Variants in KPNA1 observed in about 807,000 individuals in gnomAD.
KPNA1 encodes karyopherin subunit alpha 1, also known as importin subunit alpha-5.
Under a neutral mutation model 70.5 loss-of-function variants are expected in KPNA1, and 10 were observed. The observed-to-expected ratio is 0.14, with a 90% CI of 0.09 to 0.24. The LOEUF is 0.24. Ranked by LOEUF, KPNA1 falls within the 10% of genes least tolerant of loss-of-function variation. The probability of loss-of-function intolerance (pLI) is 1.00; values close to 1 mark genes in which losing one functional copy is unlikely to be tolerated. For missense variants in KPNA1, 397 were observed against 637.9 expected (o/e 0.62, Z 4.07); for synonymous variants, 192 against 221.9 (o/e 0.87, Z 1.20).
chr3:122,507,601 C>A (rs2076905188), intron 1 of KPNA1, among the ~76,000 whole-genome samples: 1 of 151,918 alleles, frequency 6.6e-6, no homozygotes, highest in African/African-American at 2.4e-5. Context: ...TATGATAAAG[C>A]TTATCAACCT....
intron 2 of KPNA1, among the ~76,000 whole-genome samples, chr3:122,475,511 T>C (rs2076487477): frequency 6.6e-6 from 1 of 152,160 alleles, no homozygotes; most frequent in South Asian, 2.1e-4. Flanking sequence ...CTAAAATTCA[T>C]ATGGACCTAC....
intron 7 of KPNA1, 96 bp downstream of exon 7, chr3:122,451,880 C>A: frequency 2.4e-6 from 2 of 841,284 alleles, no homozygotes; most frequent in South Asian, 1.6e-5. Flanking sequence ...ACTAGAAAAT[C>A]CAAAATGATT....
chr3:122,459,619 ATTTT>A (rs1415224697), intron 5 of KPNA1: 1 of 985,356 alleles, frequency 1.0e-6, no homozygotes, highest in Non-Finnish European at 1.2e-6. Context: ...GAACGTGATT[ATTTT>A]TCAGGTGTCT....
chr3:122,475,268 A>G (rs2076484581), intron 2 of KPNA1, among the ~76,000 whole-genome samples: 2 of 152,208 alleles, frequency 1.3e-5, no homozygotes, highest in Non-Finnish European at 2.9e-5. Flanking sequence ...GGCTACAAAA[A>G]TAAAATAAAA....
At chr3:122,439,944 C>T (rs776650765) in intron 10 of KPNA1, among the ~76,000 whole-genome samples, 1 of 151,982 alleles carries the variant, frequency 6.6e-6, no homozygotes, top group Admixed American at 6.6e-5. Context: ...TTGGAACTTG[C>T]CTTGTGGGGG....
chr3:122,442,191 AAAAC>A, intron 9 of KPNA1, 75 bp from the exon 10 acceptor site: 1 of 1,155,970 alleles, frequency 8.7e-7, no homozygotes, highest in Non-Finnish European at 1.3e-6. Context: ...CCAAAATTAA[AAAAC>A]AAAAAAATTG....
At chr3:122,427,486 C>G in intron 13 of KPNA1, 52 bp downstream of exon 13, 2 of 1,540,126 alleles carry the variant, frequency 1.3e-6, no homozygotes, top group South Asian at 2.4e-5. Flanking sequence ...TGAACTCTAT[C>G]TATGACCCAA....
chr3:122,473,098 A>G (rs1417428099), intron 2 of KPNA1, among the ~76,000 whole-genome samples: 1 of 152,134 alleles, frequency 6.6e-6, no homozygotes, highest in Non-Finnish European at 1.5e-5. Context: ...AAAATAAAAA[A>G]AGAATACTAT....
At chr3:122,514,174 T>G (rs1576358434) in intron 1 of KPNA1, among the ~76,000 whole-genome samples, 1 of 151,988 alleles carries the variant, frequency 6.6e-6, no homozygotes, top group African/African-American at 2.4e-5. Flanking sequence ...TCCAGGCCCA[T>G]GTTGTTATGA....
intron 2 of KPNA1, among the ~76,000 whole-genome samples, chr3:122,490,863 T>C (rs1408730524): frequency 6.6e-6 from 1 of 152,166 alleles, no homozygotes; most frequent in African/African-American, 2.4e-5. Flanking sequence ...TTACTTATTT[T>C]CTTAAACTAA....
intron 12 of KPNA1, among the ~76,000 whole-genome samples, chr3:122,430,565 G>C (rs1183674002): frequency 1.8e-5 from 2 of 108,180 alleles, no homozygotes; most frequent in Non-Finnish European, 4.1e-5. Flanking sequence ...TAAACTGTGT[G>C]TGTGTGTGTG....
chr3:122,477,908 A>C (rs1366169903), intron 2 of KPNA1, among the ~76,000 whole-genome samples: 2 of 152,034 alleles, frequency 1.3e-5, no homozygotes, highest in East Asian at 3.9e-4. Context: ...TCATGCCTGA[A>C]ATCCCAGCAC....
intron 2 of KPNA1, among the ~76,000 whole-genome samples, chr3:122,493,036 AGAT>A (rs2076717286): frequency 6.6e-6 from 1 of 152,230 alleles, no homozygotes; most frequent in Non-Finnish European, 1.5e-5. Flanking sequence ...AGTTTGGTTG[AGAT>A]GATTAGAAAG....
chr3:122,472,884 CA>C (rs1395354518), intron 2 of KPNA1, among the ~76,000 whole-genome samples: 1 of 151,984 alleles, frequency 6.6e-6, no homozygotes, highest in Non-Finnish European at 1.5e-5. Flanking sequence ...AGTTCAAGAC[CA>C]GTGTGGCCAA....
At position 122,467,500 on chromosome 3, in the gene KPNA1, A is replaced by G; in HGVS notation, c.130-71T>C. 2.4e-6 allele frequency: 2 copies of G among 842,648 alleles called. 1 individual carries two copies. The highest frequency in any genetic ancestry group is 3.2e-5 in the South Asian group (2 of 62,840). 52.2% of individuals were successfully genotyped at this position (842,648 alleles called of 1,614,324 possible). On this transcript the variant is annotated intron_variant, in intron 2 of 13. Transcript: ENST00000344337. ...CAAGGGAGTTCAACATTCAAATACT[A>G]GGCACCCCATTCAAAGTGAAGTCTT...
rs1235478516 is a variant in KPNA1 at position 122,496,458 on chromosome 3, T to C, written c.108A>G (p.Arg36=). ...RRREEEGLQL[R]KQKREEQLFK... is the part of the protein sequence containing the mutation. ...TTACCTGCTCTTCTCTTTTCTGCTT[T>C]CGTAACTGCAGTCCTTCTTCCTCCC... The change falls in exon 2 of 14, where the codon CGA becomes CGG. Residue 36 remains arginine (R), a synonymous_variant. Transcript: ENST00000344337. 3 of 1,613,856 alleles carry C rather than the reference T, an allele frequency of 1.9e-6. No homozygotes were observed. The highest frequency in any genetic ancestry group is 1.1e-5 in the South Asian group (1 of 91,072).
intron 5 of KPNA1, chr3:122,459,798 T>C: frequency 1.0e-6 from 1 of 985,390 alleles, no homozygotes; most frequent in Non-Finnish European, 1.2e-6. Context: ...TTGTTTTTCC[T>C]CTGGAAGGAA....
At chr3:122,441,105 G>C (rs2076056373) in intron 10 of KPNA1, among the ~76,000 whole-genome samples, 1 of 152,164 alleles carries the variant, frequency 6.6e-6, no homozygotes, top group Non-Finnish European at 1.5e-5. Context: ...TTATAAATAA[G>C]ATCTATGAAT....
intron 2 of KPNA1, among the ~76,000 whole-genome samples, chr3:122,479,089 A>G (rs543313640): frequency 2.6e-5 from 4 of 152,270 alleles, no homozygotes; most frequent in African/African-American, 9.6e-5. Flanking sequence ...CAAGAGAATG[A>G]AAAGACAAGC....
Sources: gnomAD v4.1 joint callset for allele counts (sites outside exome capture counted in the v4.1 genomes callset) on GRCh38, gnomAD v4.1.1 for gene constraint, MANE v1.5 for transcripts, NCBI Gene and HGNC (gene_info 2026-07-23, HGNC 2026-07-21) for gene names.